Variants in LRP1B observed in about 807,000 individuals in gnomAD.
LRP1B encodes the protein LDL receptor related protein 1B.
A neutral mutation model predicts 556.6 loss-of-function variants in LRP1B; 217 were observed. The observed-to-expected ratio is 0.39, with a 90% CI of 0.35 to 0.44. The LOEUF is 0.44. Ranked by LOEUF, LRP1B falls within the 20% of genes least tolerant of loss-of-function variation. LRP1B has a pLI of 1.00. For synonymous variants in LRP1B, 2,047 were observed against 1,865.8 expected, an observed-to-expected ratio of 1.10 and a Z score of -2.50; for missense variants, 5,053 against 5,620.8, an observed-to-expected ratio of 0.90 and a Z score of 3.23.
At chr2:140,270,943 A>C (rs566119260) in intron 85 of LRP1B, among the ~76,000 whole-genome samples, 4 of 152,094 alleles carry the variant, frequency 2.6e-5, no homozygotes, top group African/African-American at 9.6e-5. Flanking sequence ...TAGTTCATAA[A>C]AAAACAGTTA....
At chr2:141,669,132 A>G (rs547143533) in intron 2 of LRP1B, among the ~76,000 whole-genome samples, 4 of 151,402 alleles carry the variant, frequency 2.6e-5, no homozygotes, top group African/African-American at 9.6e-5. Flanking sequence ...GAAGAACCTC[A>G]GAATATGACT....
intron 2 of LRP1B, among the ~76,000 whole-genome samples, chr2:141,779,838 A>G (rs1167797832): frequency 6.6e-6 from 1 of 151,884 alleles, no homozygotes; most frequent in Non-Finnish European, 1.5e-5. Context: ...TCTGATTCCA[A>G]AGGTCACTGA....
At chr2:142,061,868 T>C (rs998023672) in intron 1 of LRP1B, among the ~76,000 whole-genome samples, 1 of 151,950 alleles carries the variant, frequency 6.6e-6, no homozygotes, top group Admixed American at 6.6e-5. Context: ...GGTTAATAAA[T>C]TTGTGGAGGA....
chr2:141,976,723 G>A (rs906574319), intron 1 of LRP1B, among the ~76,000 whole-genome samples: 1 of 152,102 alleles, frequency 6.6e-6, no homozygotes, highest in African/African-American at 2.4e-5. Context: ...ATTCAGCAAT[G>A]AATTGAGGGC....
At chr2:140,699,465 A>G (rs1686551632) in intron 41 of LRP1B, among the ~76,000 whole-genome samples, 1 of 151,942 alleles carries the variant, frequency 6.6e-6, no homozygotes, top group South Asian at 2.1e-4. Flanking sequence ...TCAAATCCAT[A>G]TTATTTGAAC....
intron 84 of LRP1B, among the ~76,000 whole-genome samples, chr2:140,275,803 C>T (rs1430687874): frequency 6.6e-6 from 1 of 151,926 alleles, no homozygotes; most frequent in East Asian, 1.9e-4. Context: ...CATTGAGCGT[C>T]ACAGACGATT....
intron 4 of LRP1B, among the ~76,000 whole-genome samples, chr2:141,250,173 AT>A (rs2105332625): frequency 6.6e-6 from 1 of 152,300 alleles, no homozygotes; most frequent in African/African-American, 2.4e-5. Flanking sequence ...AATACTTGGA[AT>A]TTTTTGAGTA....
At chr2:141,171,458 ATG>A (rs1288083359) in intron 7 of LRP1B, among the ~76,000 whole-genome samples, 5 of 152,006 alleles carry the variant, frequency 3.3e-5, no homozygotes, top group African/African-American at 9.7e-5. Flanking sequence ...ACCAAATTCT[ATG>A]TGTCATTTCT....
At chr2:140,534,284 A>G in intron 46 of LRP1B, 144 bp from the exon 47 acceptor site, 9 of 764,264 alleles carry the variant, frequency 1.2e-5, no homozygotes, top group Non-Finnish European at 1.8e-5. Context: ...GCTCTGGATT[A>G]GAATGTTTAT....
At chr2:140,980,598 A>T (rs987453857) in intron 18 of LRP1B, among the ~76,000 whole-genome samples, 5 of 152,206 alleles carry the variant, frequency 3.3e-5, no homozygotes, top group African/African-American at 1.2e-4. Context: ...GGGACATAAT[A>T]GTCTAGCACA....
At chr2:140,491,967 C>CT (rs1262419575) in intron 57 of LRP1B, among the ~76,000 whole-genome samples, 1 of 152,148 alleles carries the variant, frequency 6.6e-6, no homozygotes, top group South Asian at 2.1e-4. Context: ...GCAGGGCTCT[C>CT]TATCAATGCA....
intron 7 of LRP1B, among the ~76,000 whole-genome samples, chr2:141,100,888 A>AC (rs1024432413): frequency 6.6e-6 from 1 of 151,818 alleles, no homozygotes; most frequent in East Asian, 1.9e-4. Context: ...AACATGGAGA[A>AC]CCCCCCATCT....
intron 18 of LRP1B, among the ~76,000 whole-genome samples, chr2:140,962,629 T>C (rs1573926297): frequency 6.6e-6 from 1 of 152,248 alleles, no homozygotes; most frequent in East Asian, 1.9e-4. Context: ...AAGGTCCTGA[T>C]TTCACTCACC....
intron 1 of LRP1B, among the ~76,000 whole-genome samples, chr2:141,885,194 G>A (rs893875680): frequency 6.6e-6 from 1 of 152,128 alleles, no homozygotes; most frequent in Non-Finnish European, 1.5e-5. Flanking sequence ...TTTGGTGTAA[G>A]TGAAATTTCT....
intron 2 of LRP1B, among the ~76,000 whole-genome samples, chr2:141,762,428 A>G (rs1694591418): frequency 6.6e-6 from 1 of 152,138 alleles, no homozygotes; most frequent in Non-Finnish European, 1.5e-5. Flanking sequence ...ATGGTGACCA[A>G]TTTTGTAGAT....
intron 1 of LRP1B, among the ~76,000 whole-genome samples, chr2:142,011,624 T>C (rs1187358568): frequency 6.6e-6 from 1 of 152,180 alleles, no homozygotes; most frequent in Non-Finnish European, 1.5e-5. Context: ...GTTGTGTTCT[T>C]AAAATTAATT....
At chr2:141,550,131 C>T (rs1685697400) in intron 2 of LRP1B, among the ~76,000 whole-genome samples, 1 of 152,104 alleles carries the variant, frequency 6.6e-6, no homozygotes, top group South Asian at 2.1e-4. Context: ...CTCATTCATC[C>T]CTGACTCTCA....
At chr2:140,425,654 C>T (rs1685622375) in intron 66 of LRP1B, among the ~76,000 whole-genome samples, 3 of 152,132 alleles carry the variant, frequency 2.0e-5, no homozygotes, top group Admixed American at 1.3e-4. Context: ...GGTGATCCTG[C>T]CTCAGCATCC....
chr2:141,773,108 C>A (rs1477655152), intron 2 of LRP1B, among the ~76,000 whole-genome samples: 1 of 152,176 alleles, frequency 6.6e-6, no homozygotes, highest in Non-Finnish European at 1.5e-5. Context: ...AAAAGACTAA[C>A]TATCTTCAGT....
Sources: gnomAD v4.1 joint callset for allele counts (sites outside exome capture counted in the v4.1 genomes callset) on GRCh38, gnomAD v4.1.1 for gene constraint, MANE v1.5 for transcripts, NCBI Gene and HGNC (gene_info 2026-07-23, HGNC 2026-07-21) for gene names.